Variants in GRM5 observed in about 807,000 individuals in gnomAD.
The protein encoded by GRM5 is glutamate metabotropic receptor 5, also known as metabotropic glutamate receptor 5.
A neutral mutation model predicts 83.1 loss-of-function variants in GRM5; 19 were observed. The ratio of observed to expected loss-of-function variants is 0.23; its 90% confidence interval spans 0.16 to 0.34. The LOEUF (loss-of-function observed/expected upper bound fraction) is 0.34, where lower values mean the gene tolerates loss of function less well. Among genes scored for constraint, GRM5 ranks in the 10% least tolerant of loss-of-function variants. GRM5 has a pLI of 1.00. For missense variants in GRM5, 1,160 were observed against 1,588.3 expected, an observed-to-expected ratio of 0.73 and a Z score of 4.58; for synonymous variants, 675 against 633.6, an observed-to-expected ratio of 1.07 and a Z score of -0.98.
At chr11:88,703,517 G>A (rs1941084843) in intron 3 of GRM5, among the ~76,000 whole-genome samples, 1 of 152,010 alleles carries the variant, frequency 6.6e-6, no homozygotes, top group South Asian at 2.1e-4. Flanking sequence ...TTGGGCAAAT[G>A]ACAAGCAATA....
At chr11:89,037,634 A>C (rs1225165523) in intron 2 of GRM5, among the ~76,000 whole-genome samples, 1 of 152,126 alleles carries the variant, frequency 6.6e-6, no homozygotes, top group Non-Finnish European at 1.5e-5. Flanking sequence ...CTTATTATCA[A>C]ATTGAGATAA....
chr11:88,805,048 T>C (rs1357922784), intron 3 of GRM5, among the ~76,000 whole-genome samples: 1 of 152,178 alleles, frequency 6.6e-6, no homozygotes, highest in African/African-American at 2.4e-5. Flanking sequence ...GACTATTTCC[T>C]GTAAATGCAT....
In GRM5 at chr11:88,881,117, A is replaced by G. The variant is rs544289696; in HGVS notation, c.662-30962T>C. ...ATAGTCAGGGGAAGGACATTAAGTGACATGTATTTTTCAGTGTAAGCTTCA... is the reference window on the plus strand; with the variant it reads ...ATAGTCAGGGGAAGGACATTAAGTGGCATGTATTTTTCAGTGTAAGCTTCA... On this transcript the variant is annotated intron_variant, in intron 2 of 9. Coordinates refer to ENST00000305447, the MANE Select transcript of GRM5 (RefSeq NM_001143831.3). Among the ~76,000 whole-genome samples, 4 of 152,142 alleles carry G rather than the reference A, an allele frequency of 2.6e-5. No individual in the cohort carries two copies. The South Asian group carries it at 8.3e-4, about 32-fold the overall frequency.
chr11:88,848,706 A>C (rs1307134803), intron 3 of GRM5, among the ~76,000 whole-genome samples: 2 of 152,190 alleles, frequency 1.3e-5, no homozygotes, highest in African/African-American at 4.8e-5. Context: ...TGTCTTACTA[A>C]TTATGATAGT....
At chr11:88,894,267 C>T (rs917004155) in intron 2 of GRM5, among the ~76,000 whole-genome samples, 1 of 151,982 alleles carries the variant, frequency 6.6e-6, no homozygotes, top group Non-Finnish European at 1.5e-5. Flanking sequence ...GACACCGCCA[C>T]CTCAAACTGG....
At chr11:88,860,864 T>C (rs939031430) in intron 2 of GRM5, among the ~76,000 whole-genome samples, 3 of 152,188 alleles carry the variant, frequency 2.0e-5, no homozygotes, top group Non-Finnish European at 4.4e-5. Flanking sequence ...CATTAGAGCC[T>C]TGGTGACTTT....
At chr11:88,950,109 C>T (rs1378204027) in intron 2 of GRM5, among the ~76,000 whole-genome samples, 2 of 151,156 alleles carry the variant, frequency 1.3e-5, no homozygotes, top group African/African-American at 4.9e-5. Context: ...CTCCTGACCT[C>T]GTGATCCGCC....
chr11:88,722,160 T>G (rs1410491597), intron 3 of GRM5, among the ~76,000 whole-genome samples: 1 of 152,174 alleles, frequency 6.6e-6, no homozygotes, highest in Non-Finnish European at 1.5e-5. Context: ...TTAACACCTG[T>G]GCATTTAGCC....
intron 1 of GRM5, among the ~76,000 whole-genome samples, chr11:89,050,512 TG>T (rs1236500304): frequency 1.3e-5 from 2 of 152,346 alleles, no homozygotes; most frequent in Middle Eastern, 3.4e-3. Context: ...ATGGTATTTC[TG>T]TCTTTAGGTC....
rs572762845 is a variant in GRM5 at position 88,800,747 on chromosome 11, A to G, written c.911+49159T>C. Among the ~76,000 whole-genome samples the G allele has an allele frequency of 9.2e-5, 14 of 152,228 alleles. No homozygotes were observed. The South Asian group carries it at 2.9e-3, about 32-fold the overall frequency. ...TCTATCAGTTCCTAATGGCAATGAC[A>G]CCTTCAATTGCCCTGAGCAACACAT... is the stretch of plus-strand genomic sequence containing the variant. On this transcript the variant is annotated intron_variant, in intron 3 of 9. Transcript: ENST00000305447.
At chr11:88,674,340 C>T (rs1460247638) in intron 3 of GRM5, among the ~76,000 whole-genome samples, 6 of 151,838 alleles carry the variant, frequency 4.0e-5, no homozygotes, top group Non-Finnish European at 8.8e-5. Context: ...TTTTCTATTG[C>T]ACTTTTGTAT....
At chr11:89,055,713 T>A (rs1173778984) in intron 1 of GRM5, among the ~76,000 whole-genome samples, 1 of 151,882 alleles carries the variant, frequency 6.6e-6, no homozygotes, top group African/African-American at 2.4e-5. Context: ...ATGAAATCTC[T>A]CTCATAATAT....
chr11:88,509,272 G>C lies in GRM5; in HGVS notation c.2959C>G (p.Pro987Ala). ...TGGAGCAGAG[P>A]GGPESPDAGP... ...GCGTCTGGGGACTCGGGCCCGCCTG[G>C]GCCGGCGCCTGCGCAGCCCGCACCG... The change falls in exon 10 of 10, where the codon CCA becomes GCA. Residue 987 changes from proline (P) to alanine (A), a missense_variant. By Grantham distance (27) the Pro-to-Ala change is conservative. Coordinates refer to ENST00000305447, the MANE Select transcript of GRM5 (RefSeq NM_001143831.3). 9.5e-6 allele frequency: 14 copies of C among 1,468,320 alleles called. No individual in the cohort carries two copies. The highest frequency in any genetic ancestry group is 1.3e-5 in the Non-Finnish European group (14 of 1,114,936). 91.0% of individuals were successfully genotyped at this position (1,468,320 alleles called of 1,614,324 possible). A position where few individuals can be genotyped will look rare whatever the true frequency, so the allele number is the denominator to read the frequency against.
Position 88,505,747 on chromosome 11 carries a change from A to G in GRM5, c.*2845T>C, listed in dbSNP as rs937219236. On this transcript the variant is annotated 3_prime_UTR_variant, in exon 10 of 10. Coordinates refer to ENST00000305447, the MANE Select transcript of GRM5 (RefSeq NM_001143831.3). ...TGGGACATATCTCTCATTTAGGGTC[A>G]CTTTGCTGAGCCTTAGCATATCCCC... The G allele has an allele frequency of 6.6e-6, 1 of 152,198 alleles. No homozygotes were observed. The highest frequency in any genetic ancestry group is 2.4e-5 in the African/African-American group (1 of 41,440). 9.4% of individuals were successfully genotyped at this position (152,198 alleles called of 1,614,324 possible).
At chr11:88,681,894 CTCTTT>C (rs1352549931) in intron 3 of GRM5, among the ~76,000 whole-genome samples, 2 of 151,802 alleles carry the variant, frequency 1.3e-5, no homozygotes, top group Non-Finnish European at 2.9e-5. Flanking sequence ...ATGTTGTATA[CTCTTT>C]TCTTTTTGTG....
chr11:88,755,973 A>C (rs1053005956), intron 3 of GRM5, among the ~76,000 whole-genome samples: 1 of 152,170 alleles, frequency 6.6e-6, no homozygotes, highest in Admixed American at 6.6e-5. Flanking sequence ...ATGACTCTAC[A>C]AAAACAAACA....
intron 4 of GRM5, among the ~76,000 whole-genome samples, chr11:88,609,308 G>C (rs1938253058): frequency 6.6e-6 from 1 of 152,138 alleles, no homozygotes; most frequent in Non-Finnish European, 1.5e-5. Context: ...GATCTATGTT[G>C]CAGCAAAGGA....
chr11:88,786,417 T>C (rs1302262250), intron 3 of GRM5, among the ~76,000 whole-genome samples: 2 of 152,116 alleles, frequency 1.3e-5, no homozygotes, highest in African/African-American at 4.8e-5. Context: ...ACATCACAAA[T>C]CCTCTGAAAG....
intron 2 of GRM5, among the ~76,000 whole-genome samples, chr11:88,913,043 G>A (rs1945526319): frequency 6.6e-6 from 1 of 152,170 alleles, no homozygotes; most frequent in Non-Finnish European, 1.5e-5. Flanking sequence ...TTATTTTGCA[G>A]TGGGCCTTGC....
Sources: gnomAD v4.1 joint callset for allele counts (sites outside exome capture counted in the v4.1 genomes callset) on GRCh38, gnomAD v4.1.1 for gene constraint, MANE v1.5 for transcripts, NCBI Gene and HGNC (gene_info 2026-07-23, HGNC 2026-07-21) for gene names.